The following CHD4 variants were observed in gnomAD, a reference collection of about 807,000 sequenced individuals.
CHD4 encodes ATP-dependent chromatin remodeler CHD4.
Under a neutral mutation model 235.5 loss-of-function variants are expected in CHD4, and 35 were observed. That is an observed-to-expected ratio of 0.15 (90% confidence interval 0.11 to 0.20). CHD4 has a LOEUF of 0.20. Ranked by LOEUF, CHD4 falls within the 10% of genes least tolerant of loss-of-function variation. The pLI is 1.00. For missense variants in CHD4, 1,329 were observed against 2,432.3 expected (o/e 0.55, Z 9.54); for synonymous variants, 900 against 850.2 (o/e 1.06, Z -1.02).
rs770710887 is a variant in CHD4, at chr12:6,591,681, G to A, written c.3222+13C>T. On this transcript the variant is annotated intron_variant, in intron 21 of 39. Coordinates refer to ENST00000544040, the MANE Select transcript of CHD4 (RefSeq NM_001273.5). ...CTATGACTGTTCCCTAAAGCTCCCA[G>A]TCCACATGATACCTGGGAAAAGATG... 1 of 1,614,140 alleles carries A rather than the reference G, an allele frequency of 6.2e-7. No individual in the cohort carries two copies. Among genetic ancestry groups the A allele is most frequent in the Non-Finnish European group, 8.5e-7 (1 of 1,180,022 alleles).
intron 25 of CHD4, among the ~76,000 whole-genome samples, chr12:6,585,979 A>C (rs1056306753): frequency 6.6e-6 from 1 of 152,024 alleles, no homozygotes; most frequent in Non-Finnish European, 1.5e-5. Context: ...GCATACCTGT[A>C]ATCTCAGCTA....
rs1030831542 is a variant in CHD4 at position 6,595,500 on chromosome 12, A to G, written c.2025-70T>C. 1.3e-5 allele frequency: 17 copies of G among 1,325,214 alleles called. No individual in the cohort carries two copies. In the African/African-American group the frequency reaches 2.5e-4, roughly 19 times the overall value. 82.1% of individuals were successfully genotyped at this position (1,325,214 alleles called of 1,614,324 possible). A position where few individuals can be genotyped will look rare whatever the true frequency, so the allele number is the denominator to read the frequency against. On this transcript the variant is annotated intron_variant, in intron 13 of 39. Transcript: ENST00000544040. ...TAGAAGAAACAACTTGGCCAGGCAC[A>G]GTGGCTCACACCTGTAATCCCAGCA...
chr12:6,581,593 A>T, intron 31 of CHD4, 56 bp downstream of exon 31: 1 of 1,612,952 alleles, frequency 6.2e-7, no homozygotes, highest in Non-Finnish European at 8.5e-7. Context: ...GGGGAGCAGA[A>T]AAATAGGCCA....
At chr12:6,576,495 T>G (rs1025690335) in intron 37 of CHD4, among the ~76,000 whole-genome samples, 3 of 152,212 alleles carry the variant, frequency 2.0e-5, no homozygotes, top group Non-Finnish European at 2.9e-5. Context: ...TTGTATTTTT[T>G]GTAGACATGG....
At chr12:6,573,346 CCT>C (rs1358542023) in intron 37 of CHD4, 77 bp from the exon 38 acceptor site, 3 of 1,225,420 alleles carry the variant, frequency 2.4e-6, no homozygotes, top group African/African-American at 3.2e-5. Flanking sequence ...TCTCAGCTCA[CCT>C]CTCATTGTTT....
In CHD4 at chr12:6,591,554, A is replaced by C. The variant is rs1161664570; in HGVS notation, c.3252T>G (p.Asp1084Glu). 2 of 1,614,102 alleles carry C rather than the reference A, an allele frequency of 1.2e-6. No homozygotes were observed. The highest frequency in any genetic ancestry group is 2.7e-5 in the African/African-American group (2 of 74,946). ...QMTKMLDLLEDFLEHEGYKYE... is the reference protein window; with the variant it reads ...QMTKMLDLLEEFLEHEGYKYE... ...ATTTATAACCTTCATGTTCCAAGAA[A>C]TCCTCTAGCAGGTCTAGCATCTTGG... Residue 1084 changes from aspartate (D) to glutamate (E), a missense_variant, in exon 22 of 40, where the codon GAT (aspartate) becomes GAG (glutamate). Physicochemically the swap from Asp to Glu is conservative, Grantham distance 45. Transcript: ENST00000544040.
At position 6,587,952 on chromosome 12, in the gene CHD4, G is replaced by A. The variant is rs778126826; in HGVS notation, c.3466-3C>T. 6.2e-7 allele frequency: 1 copy of A among 1,611,836 alleles called. No individual in the cohort carries two copies. The highest frequency in any genetic ancestry group is 1.1e-5 in the South Asian group (1 of 91,060). ...ATCCGGTGAGCTCTGCTAAAGGCCT[G>A]GAGTTGAACAGGAAATAAAGCCAGA... is the stretch of plus-strand genomic sequence containing the variant. On this transcript the variant is annotated splice_region_variant and splice_polypyrimidine_tract_variant and intron_variant, in intron 23 of 39. Coordinates refer to ENST00000544040, the MANE Select transcript of CHD4 (RefSeq NM_001273.5).
In CHD4 at chr12:6,591,725, T is replaced by A. The variant is rs1369778252; in HGVS notation, c.3191A>T (p.Glu1064Val). 3.1e-6 allele frequency: 5 copies of A among 1,614,096 alleles called. No homozygotes were observed. In the East Asian group the frequency reaches 1.1e-4, roughly 36 times the overall value. Residue 1064 changes from glutamate to valine, a missense_variant, in exon 21 of 40, where the codon GAG becomes GTG. Around this residue, in one of 26 missense-constraint regions of CHD4, gnomAD observed 39 missense variants for 83.8 expected, o/e 0.47. Transcript: ENST00000544040. ...LLQKMLKNLK[E>V]GGHRVLIFSQ... ...AAAGATGAGTACACGATGCCCACCC[T>A]CCTTAAGGTTCTTGAGCATTTTCTG...
intron 25 of CHD4, 198 bp from the exon 26 acceptor site, chr12:6,583,576 A>G: frequency 1.9e-6 from 1 of 523,880 alleles, no homozygotes; most frequent in Non-Finnish European, 3.4e-6. Context: ...ATAGATTAGC[A>G]GTCAGCATAA....
In CHD4 at chr12:6,580,081, C is replaced by G. The variant is rs553548131; in HGVS notation, c.4909+963G>C. On this transcript the variant is annotated intron_variant, in intron 33 of 39. Transcript: ENST00000544040. ...AAAAAAAAAAAAAAAAAAAAAATTA[C>G]GTGGGCATGGTTGTGGCACGCCTGC... 3.5e-5 allele frequency among the ~76,000 whole-genome samples: 5 copies of G among 143,876 alleles called. No individual in the cohort carries two copies. The East Asian group carries it at 8.1e-4, about 23-fold the overall frequency. 94.4% of individuals were successfully genotyped at this position (143,876 alleles called of 152,430 possible).
chr12:6,571,257 C>T, intron 38 of CHD4: 1 of 525,438 alleles, frequency 1.9e-6, no homozygotes, highest in Non-Finnish European at 3.3e-6. Context: ...CTTCACTATC[C>T]CTTACTATTA....
intron 37 of CHD4, 99 bp downstream of exon 37, chr12:6,577,686 T>G: frequency 1.9e-5 from 28 of 1,487,984 alleles, no homozygotes; most frequent in Non-Finnish European, 2.5e-5. Context: ...ATGAAGAAAG[T>G]GAGAACAGTG....
intron 37 of CHD4, among the ~76,000 whole-genome samples, chr12:6,574,119 A>G (rs1948026878): frequency 6.6e-6 from 1 of 152,172 alleles, no homozygotes; most frequent in South Asian, 2.1e-4. Flanking sequence ...AACTTTTCTA[A>G]TGTAGTAATA....
intron 25 of CHD4, among the ~76,000 whole-genome samples, chr12:6,585,196 T>G (rs1246081781): frequency 6.6e-6 from 1 of 152,114 alleles, no homozygotes; most frequent in Non-Finnish European, 1.5e-5. Flanking sequence ...AGAAAAACAT[T>G]AAAACAAGCC....
intron 10 of CHD4, among the ~76,000 whole-genome samples, chr12:6,598,701 T>G (rs1218980078): frequency 6.6e-6 from 1 of 152,094 alleles, no homozygotes. Context: ...CCCAGCTACT[T>G]GGGAGTCTGA....
chr12:6,606,236 G>A (rs780205594), intron 2 of CHD4, 38 bp downstream of exon 2: 37 of 1,380,330 alleles, frequency 2.7e-5, no homozygotes, highest in Admixed American at 2.2e-4. Flanking sequence ...AGCCCCAGAT[G>A]TCTCCTTCCC....
At chr12:6,576,965 C>A (rs1032335587) in intron 37 of CHD4, among the ~76,000 whole-genome samples, 2 of 151,086 alleles carry the variant, frequency 1.3e-5, no homozygotes, top group African/African-American at 2.4e-5. Flanking sequence ...GAGACAGAGT[C>A]TCACTCTGTT....
Position 6,599,926 on chromosome 12 carries a change from CTCT to C in CHD4, c.1326_1328del (p.Glu444del). ...AGAATTCCATATGGTGGTCATCCTC[CTCT>C]TCGAGGTCTCCCCCAACCTCTTCCA... On this transcript the variant is annotated inframe_deletion, in exon 10 of 40. Transcript: ENST00000544040. The C allele has an allele frequency of 6.2e-7, 1 of 1,614,192 alleles. No homozygotes were observed. Among genetic ancestry groups the C allele is most frequent in the East Asian group, 2.2e-5 (1 of 44,882 alleles).
At chr12:6,573,535 A>G (rs1052660149) in intron 37 of CHD4, 31 of 262,142 alleles carry the variant, frequency 1.2e-4, no homozygotes, top group African/African-American at 5.8e-4. Flanking sequence ...AGAAAATAGA[A>G]TATCAAAAAT....
Sources: gnomAD v4.1 joint callset for allele counts (sites outside exome capture counted in the v4.1 genomes callset) on GRCh38, gnomAD v4.1.1 for gene constraint, gnomAD v4.1.1 regional missense constraint, MANE v1.5 for transcripts, NCBI Gene and HGNC (gene_info 2026-07-23, HGNC 2026-07-21) for gene names.